The following ULK2 variants were observed in gnomAD, a reference collection of about 807,000 sequenced individuals.
ULK2 encodes serine/threonine-protein kinase ULK2.
ULK2 carries 76 observed loss-of-function variants against 127.5 expected under a neutral mutation model. That is an observed-to-expected ratio of 0.60 (90% CI 0.50 to 0.72). The LOEUF (loss-of-function observed/expected upper bound fraction) is 0.72. ULK2 is among the 30% of genes least tolerant of loss of function. The probability of loss-of-function intolerance (pLI) is 0.00; values close to 1 mark genes in which losing one functional copy is unlikely to be tolerated. For synonymous variants in ULK2, 452 were observed against 461.9 expected (o/e 0.98, Z 0.28); for missense variants, 1,144 against 1,295.9 (o/e 0.88, Z 1.80).
chr17:19,859,085 T>A (rs981705986), intron 3 of ULK2, among the ~76,000 whole-genome samples: 3 of 152,236 alleles, frequency 2.0e-5, no homozygotes, highest in African/African-American at 7.2e-5. Context: ...AGTCCAGCAG[T>A]TCGAGACCAG....
chr17:19,814,452 T>TGGTTTG (rs1183474234), intron 13 of ULK2, among the ~76,000 whole-genome samples: 1 of 10,140 alleles, frequency 9.9e-5, no homozygotes, highest in Non-Finnish European at 2.7e-4. Flanking sequence ...TTTTTTTTTT[T>TGGTTTG]TTTTTTTTTT....
At position 19,849,787 on chromosome 17, in the gene ULK2, C is replaced by T. The variant is rs1291142044; in HGVS notation, c.226-13G>A. On this transcript the variant is annotated splice_polypyrimidine_tract_variant and intron_variant, in intron 3 of 26. Coordinates refer to ENST00000395544, the MANE Select transcript of ULK2 (RefSeq NM_014683.4). The stretch of plus-strand genomic sequence containing the variant: ...AGTTGGGTAATTCCTGAAAAGTAAA[C>T]ATATTAAATATCATTTAGAGAAAAA... 1.3e-6 allele frequency: 2 copies of T among 1,489,660 alleles called. No homozygotes were observed. Among genetic ancestry groups the T allele is most frequent in the Admixed American group, 2.0e-5 (1 of 49,470 alleles). 92.3% of individuals were successfully genotyped at this position (1,489,660 alleles called of 1,614,324 possible).
At chr17:19,861,999 A>G (rs2042252521) in intron 3 of ULK2, among the ~76,000 whole-genome samples, 1 of 152,212 alleles carries the variant, frequency 6.6e-6, no homozygotes, top group Admixed American at 6.5e-5. Flanking sequence ...GGTCTTTCCA[A>G]TTCTAGAAAT....
At chr17:19,817,114 A>T (rs1567698707) in intron 12 of ULK2, among the ~76,000 whole-genome samples, 194 bp from the exon 13 acceptor site, 1 of 152,180 alleles carries the variant, frequency 6.6e-6, no homozygotes, top group Non-Finnish European at 1.5e-5. Context: ...TTGCATAAAG[A>T]CTTCTGAAAT....
intron 13 of ULK2, among the ~76,000 whole-genome samples, chr17:19,811,626 G>A (rs1395462072): frequency 6.6e-5 from 10 of 151,938 alleles, no homozygotes; most frequent in Admixed American, 5.9e-4. Context: ...ATTTTTAGTA[G>A]AGACAGGGTT....
At chr17:19,859,234 C>T (rs1004876179) in intron 3 of ULK2, among the ~76,000 whole-genome samples, 3 of 152,096 alleles carry the variant, frequency 2.0e-5, no homozygotes, top group Non-Finnish European at 1.5e-5. Context: ...CTAGTATAGG[C>T]TGAGTGCGGT....
Position 19,804,719 on chromosome 17 carries a change from T to C in ULK2, c.1269A>G (p.Ser423=), listed in dbSNP as rs760805950. Residue 423 remains serine (S), a synonymous_variant, in exon 15 of 27, where the codon TCA becomes TCG. Transcript: ENST00000395544. ...IEQNLTSTAS[S]GTNVHGSPRS... is the part of the protein sequence containing the mutation. ...TTGGAGAACCATGTACATTTGTGCCTGAGCTGGCAGTAGATGTAAGATTCT... is the reference window on the plus strand; with the variant it reads ...TTGGAGAACCATGTACATTTGTGCCCGAGCTGGCAGTAGATGTAAGATTCT... 3 of 1,609,150 alleles carry C rather than the reference T, an allele frequency of 1.9e-6. No homozygotes were observed. Among genetic ancestry groups the C allele is most frequent in the Admixed American group, 3.4e-5 (2 of 59,658 alleles).
At chr17:19,793,850 G>A (rs2087209155) in intron 20 of ULK2, among the ~76,000 whole-genome samples, 1 of 152,302 alleles carries the variant, frequency 6.6e-6, no homozygotes, top group South Asian at 2.1e-4. Flanking sequence ...TTTGAAAAGA[G>A]AGAGCAAATC....
At chr17:19,814,438 A>ATATATATTT (rs1318303261) in intron 13 of ULK2, among the ~76,000 whole-genome samples, 2 of 23,330 alleles carry the variant, frequency 8.6e-5, no homozygotes, top group African/African-American at 3.8e-4. Flanking sequence ...ATATATATAT[A>ATATATATTT]TTTTTTTTTT....
intron 14 of ULK2, among the ~76,000 whole-genome samples, chr17:19,810,109 T>C (rs2087602036): frequency 6.6e-6 from 1 of 151,504 alleles, no homozygotes; most frequent in South Asian, 2.1e-4. Context: ...CCGGCACCTA[T>C]AGTCCCAGCT....
Position 19,849,257 on chromosome 17 carries a change from G to T in ULK2, c.295+112C>A, listed in dbSNP as rs114858987. ...TCAAACAAATACACAAATATTTATT[G>T]AATGTTTCTATACAAGAGCAGAAAA... On this transcript the variant is annotated intron_variant, in intron 5 of 26. Coordinates refer to ENST00000395544, the MANE Select transcript of ULK2 (RefSeq NM_014683.4). 2.1e-3 allele frequency: 1,833 copies of T among 891,928 alleles called. 27 individuals are homozygous for T. The African/African-American group carries it at 0.023, about 11-fold the overall frequency. The allele number at this position is 891,928 out of a possible 1,614,324, so 55.3% of individuals were successfully genotyped here.
At chr17:19,811,732 G>GAAGTT (rs2087645512) in intron 13 of ULK2, among the ~76,000 whole-genome samples, 1 of 152,148 alleles carries the variant, frequency 6.6e-6, no homozygotes, top group Non-Finnish European at 1.5e-5. Flanking sequence ...ATGAGCCACT[G>GAAGTT]AACCTGGCCT....
chr17:19,858,303 G>T (rs1567729772), intron 3 of ULK2, among the ~76,000 whole-genome samples: 1 of 152,120 alleles, frequency 6.6e-6, no homozygotes, highest in Non-Finnish European at 1.5e-5. Flanking sequence ...TGAAGGCTGA[G>T]GTGGGAGGAT....
At chr17:19,834,386 TATAAA>T (rs1308170278) in intron 10 of ULK2, among the ~76,000 whole-genome samples, 2 of 152,058 alleles carry the variant, frequency 1.3e-5, no homozygotes, top group Non-Finnish European at 2.9e-5. Context: ...AGGACAACTG[TATAAA>T]ATAATTATAA....
intron 17 of ULK2, among the ~76,000 whole-genome samples, chr17:19,798,693 T>C (rs2087327376): frequency 6.6e-6 from 1 of 152,230 alleles, no homozygotes; most frequent in Non-Finnish European, 1.5e-5. Context: ...CTTTTCTAAG[T>C]AACACAGGAT....
intron 19 of ULK2, among the ~76,000 whole-genome samples, 184 bp from the exon 20 acceptor site, chr17:19,795,909 G>GT (rs1323430147): frequency 1.3e-5 from 2 of 152,176 alleles, no homozygotes; most frequent in African/African-American, 4.8e-5. Context: ...GAAGAACTAT[G>GT]TACTTACATA....
rs771612696 is a variant in ULK2 at position 19,865,735 on chromosome 17, C to T, written c.183+1G>A. On this transcript the variant is annotated splice_donor_variant, in intron 2 of 26. Coordinates refer to ENST00000395544, the MANE Select transcript of ULK2 (RefSeq NM_014683.4). LOFTEE classifies it high-confidence loss of function. ...GAATACTACTACATAAAGTAACATACCTTTAAGATTTTAATTTCCTTTCCA... is the reference window on the plus strand; with the variant it reads ...GAATACTACTACATAAAGTAACATATCTTTAAGATTTTAATTTCCTTTCCA... 6.8e-7 allele frequency: 1 copy of T among 1,475,642 alleles called. No individual in the cohort carries two copies. The highest frequency in any genetic ancestry group is 1.2e-5 in the South Asian group (1 of 83,434). The allele number at this position is 1,475,642 out of a possible 1,614,324, so 91.4% of individuals were successfully genotyped here. A position where few individuals can be genotyped will look rare whatever the true frequency, so the allele number is the denominator to read the frequency against.
rs546575284 is a variant in ULK2 at position 19,826,304 on chromosome 17, T to C, written c.788-118A>G. ...TTGAGATCAGAATTTAACTTCTTTA[T>C]ATAGGCTCCATTTCCTTTAAATGTA... On this transcript the variant is annotated intron_variant, in intron 10 of 26. Transcript: ENST00000395544. 4.8e-4 allele frequency: 233 copies of C among 481,440 alleles called. 1 individual carries two copies. The highest frequency in any genetic ancestry group is 4.1e-3 in the African/African-American group (202 of 49,786). The allele number at this position is 481,440 out of a possible 1,614,324, so 29.8% of individuals were successfully genotyped here. A position where few individuals can be genotyped will look rare whatever the true frequency, so the allele number is the denominator to read the frequency against.
chr17:19,860,707 G>A (rs2042223786), intron 3 of ULK2, among the ~76,000 whole-genome samples: 1 of 151,726 alleles, frequency 6.6e-6, no homozygotes. Flanking sequence ...TATTTTTAGT[G>A]GAGACAGGGT....
Sources: gnomAD v4.1 joint callset for allele counts (sites outside exome capture counted in the v4.1 genomes callset) on GRCh38, gnomAD v4.1.1 for gene constraint, MANE v1.5 for transcripts, NCBI Gene and HGNC (gene_info 2026-07-23, HGNC 2026-07-21) for gene names.